The following PDE10A variants were observed in gnomAD, a reference collection of about 807,000 sequenced individuals.
The protein encoded by PDE10A is cAMP and cAMP-inhibited cGMP 3',5'-cyclic phosphodiesterase 10A.
PDE10A carries 39 observed loss-of-function variants against 97.7 expected under a neutral mutation model. The ratio of observed to expected loss-of-function variants is 0.40; its 90% CI spans 0.31 to 0.52. PDE10A has a LOEUF of 0.52. PDE10A is among the 20% of genes least tolerant of loss of function. PDE10A has a pLI of 0.56. For missense variants in PDE10A, 731 were observed against 1,047.8 expected, an observed-to-expected ratio of 0.70 and a Z score of 4.17; for synonymous variants, 371 against 376.8, an observed-to-expected ratio of 0.98 and a Z score of 0.18.
intron 10 of PDE10A, among the ~76,000 whole-genome samples, chr6:165,425,779 G>C (rs1789095429): frequency 6.6e-6 from 1 of 151,154 alleles, no homozygotes; most frequent in Admixed American, 6.6e-5. Context: ...TCGTGTGTGT[G>C]TGTGTGTGTG....
chr6:165,369,264 G>A (rs1195900756), intron 18 of PDE10A, among the ~76,000 whole-genome samples: 1 of 152,222 alleles, frequency 6.6e-6, no homozygotes, highest in East Asian at 1.9e-4. Context: ...GAAGGCTTCA[G>A]ACGATCAAAT....
rs188664600 is a variant in PDE10A at position 165,656,385 on chromosome 6, G to A, written c.865+5562C>T. Among the ~76,000 whole-genome samples, 5 of 151,050 alleles carry A rather than the reference G, an allele frequency of 3.3e-5. No homozygotes were observed. The East Asian group carries it at 9.9e-4, about 30-fold the overall frequency. On this transcript the variant is annotated intron_variant, in intron 1 of 21. Coordinates refer to ENST00000539869, the MANE Select transcript of PDE10A (RefSeq NM_001385079.1). ...GTGTGACTATTAACTGCTACCTCCT[G>A]CTTGTATCTCTCCCGACCATTCATG... is the stretch of plus-strand genomic sequence containing the variant.
At chr6:165,927,975 G>T (rs1782997211) in intron 1 of PDE10A, among the ~76,000 whole-genome samples, 1 of 150,764 alleles carries the variant, frequency 6.6e-6, no homozygotes, top group Non-Finnish European at 1.5e-5. Context: ...GGGATTACAG[G>T]CGTGAGCCAC....
chr6:165,950,644 G>A (rs1783924105), intron 1 of PDE10A, among the ~76,000 whole-genome samples: 1 of 152,204 alleles, frequency 6.6e-6, no homozygotes, highest in Non-Finnish European at 1.5e-5. Flanking sequence ...GCAGAAGGCG[G>A]CCTTCTAGTC....
intron 13 of PDE10A, among the ~76,000 whole-genome samples, chr6:165,412,213 A>T (rs1787914025): frequency 6.6e-6 from 1 of 152,156 alleles, no homozygotes; most frequent in Non-Finnish European, 1.5e-5. Context: ...AAAATAAAGC[A>T]TAAAATATAT....
intron 13 of PDE10A, among the ~76,000 whole-genome samples, chr6:165,406,370 C>G (rs220778): frequency 0.5 from 76,330 of 151,652 alleles, 19,824 homozygotes; most frequent in Middle Eastern, 0.69. Flanking sequence ...TCTTAGAAAA[C>G]TTTTCTTGGG....
At chr6:165,692,571 G>C (rs907062084) in intron 1 of PDE10A, among the ~76,000 whole-genome samples, 5 of 152,132 alleles carry the variant, frequency 3.3e-5, no homozygotes, top group Non-Finnish European at 1.5e-5. Context: ...CTCTCCTGCT[G>C]GTCTTCGTGC....
chr6:165,642,795 C>T (rs1355835505), intron 1 of PDE10A, among the ~76,000 whole-genome samples: 2 of 152,246 alleles, frequency 1.3e-5, no homozygotes, highest in East Asian at 1.9e-4. Flanking sequence ...TGCATTCACT[C>T]GCTCTCTTGC....
chr6:165,887,415 T>C (rs1781658014), intron 1 of PDE10A, among the ~76,000 whole-genome samples: 1 of 152,226 alleles, frequency 6.6e-6, no homozygotes, highest in Non-Finnish European at 1.5e-5. Flanking sequence ...GTCCCCAACT[T>C]CTGAAGCCAT....
rs781533123 is a variant in PDE10A, at chr6:165,329,132, C to T, written c.*3893G>A. On this transcript the variant is annotated 3_prime_UTR_variant, in exon 22 of 22. Coordinates refer to ENST00000539869, the MANE Select transcript of PDE10A (RefSeq NM_001385079.1). ...AAAGTGTAGAAAGCAAACATATGTT[C>T]GAAATATGTAAAGAGAGAAGTGATT... is the stretch of plus-strand genomic sequence containing the variant. 4.6e-5 allele frequency: 7 copies of T among 152,122 alleles called. No homozygotes were observed. Among genetic ancestry groups the T allele is most frequent in the African/African-American group, 7.2e-5 (3 of 41,412 alleles). 9.4% of individuals were successfully genotyped at this position (152,122 alleles called of 1,614,324 possible). A position where few individuals can be genotyped will look rare whatever the true frequency, so the allele number is the denominator to read the frequency against.
At chr6:165,873,672 G>A (rs972297447) in intron 1 of PDE10A, among the ~76,000 whole-genome samples, 2 of 152,062 alleles carry the variant, frequency 1.3e-5, no homozygotes, top group African/African-American at 2.4e-5. Flanking sequence ...TGCTATCAAG[G>A]CATATGTTTT....
At chr6:165,949,240 A>G (rs1783875610) in intron 1 of PDE10A, 1 of 152,248 alleles carries the variant, frequency 6.6e-6, no homozygotes, top group African/African-American at 2.4e-5. Context: ...GAGATGAGTT[A>G]TCTTTTAAAC....
At position 165,415,301 on chromosome 6, in the gene PDE10A, G is replaced by A. The variant is rs532352427; in HGVS notation, c.1889+888C>T. On this transcript the variant is annotated intron_variant, in intron 12 of 21. Transcript: ENST00000539869. ...ATATTCCTATGTTTTTATAGGAGTT[G>A]TGTATATTTGACATCAATTGATCAA... 2.6e-5 allele frequency among the ~76,000 whole-genome samples: 4 copies of A among 152,206 alleles called. No homozygotes were observed. In the Middle Eastern group the frequency reaches 0.01, roughly 388 times the overall value.
At chr6:165,382,369 C>T (rs754714967) in intron 17 of PDE10A, among the ~76,000 whole-genome samples, 18 of 152,052 alleles carry the variant, frequency 1.2e-4, no homozygotes, top group Non-Finnish European at 2.2e-4. Context: ...TGCAACTAAG[C>T]GCATCAAACA....
At chr6:165,834,780 T>C (rs779678088) in intron 1 of PDE10A, among the ~76,000 whole-genome samples, 2 of 152,100 alleles carry the variant, frequency 1.3e-5, no homozygotes, top group Non-Finnish European at 2.9e-5. Flanking sequence ...CAACAGGGGA[T>C]GTTTGAAGAG....
At chr6:165,547,033 G>T (rs576557476) in intron 1 of PDE10A, among the ~76,000 whole-genome samples, 1 of 152,138 alleles carries the variant, frequency 6.6e-6, no homozygotes, top group South Asian at 2.1e-4. Context: ...CTAAATTTAG[G>T]ATAAGAACAG....
chr6:165,405,327 G>A (rs1347699808), intron 13 of PDE10A, among the ~76,000 whole-genome samples: 1 of 152,186 alleles, frequency 6.6e-6, no homozygotes, highest in Admixed American at 6.5e-5. Context: ...CTATTTTCCA[G>A]TAAATAAATG....
intron 1 of PDE10A, among the ~76,000 whole-genome samples, chr6:165,628,358 CT>C (rs35599354): frequency 1.3e-5 from 2 of 150,382 alleles, no homozygotes; most frequent in South Asian, 2.1e-4. Flanking sequence ...TTTCTTTTCT[CT>C]TTTTTTTTCA....
At chr6:165,571,515 A>G (rs1198624467) in intron 1 of PDE10A, among the ~76,000 whole-genome samples, 4 of 152,216 alleles carry the variant, frequency 2.6e-5, no homozygotes, top group African/African-American at 9.6e-5. Context: ...GGATAATGTT[A>G]TCTGAGTGAG....
Sources: gnomAD v4.1 joint callset for allele counts (sites outside exome capture counted in the v4.1 genomes callset) on GRCh38, gnomAD v4.1.1 for gene constraint, MANE v1.5 for transcripts, NCBI Gene and HGNC (gene_info 2026-07-23, HGNC 2026-07-21) for gene names.